Variants in SLC2A13 observed in about 807,000 individuals in gnomAD.
The protein encoded by SLC2A13 is solute carrier family 2 member 13, also known as proton myo-inositol cotransporter.
SLC2A13 carries 32 observed loss-of-function variants against 64.4 expected under a neutral mutation model. The ratio of observed to expected loss-of-function variants is 0.50; its 90% CI spans 0.37 to 0.67. SLC2A13 has a LOEUF of 0.67. SLC2A13 is among the 30% of genes least tolerant of loss of function. The probability of loss-of-function intolerance (pLI) is 0.00; values close to 1 mark genes in which losing one functional copy is unlikely to be tolerated. For missense variants in SLC2A13, 743 were observed against 829.2 expected, an observed-to-expected ratio of 0.90 and a Z score of 1.28; for synonymous variants, 338 against 327.1, an observed-to-expected ratio of 1.03 and a Z score of -0.36.
chr12:39,900,850 T>C (rs1008954050), intron 4 of SLC2A13, among the ~76,000 whole-genome samples: 8 of 152,180 alleles, frequency 5.3e-5, no homozygotes, highest in African/African-American at 1.7e-4. Context: ...TTAAAGTTCA[T>C]ATGCAACCAA....
At chr12:39,878,854 G>A (rs749927647) in intron 4 of SLC2A13, among the ~76,000 whole-genome samples, 13 of 152,228 alleles carry the variant, frequency 8.5e-5, no homozygotes, top group Non-Finnish European at 1.3e-4. Flanking sequence ...ATGGGAAAAA[G>A]TCTTGAAGGA....
At chr12:40,071,976 C>T (rs1344011807) in intron 1 of SLC2A13, among the ~76,000 whole-genome samples, 1 of 151,998 alleles carries the variant, frequency 6.6e-6, no homozygotes, top group Admixed American at 6.6e-5. Context: ...ATTTAATTCC[C>T]TCTTTTCCTG....
At chr12:39,880,043 C>T (rs1045092924) in intron 4 of SLC2A13, among the ~76,000 whole-genome samples, 1 of 151,962 alleles carries the variant, frequency 6.6e-6, no homozygotes, top group African/African-American at 2.4e-5. Flanking sequence ...CCTCACCCTG[C>T]ACTCTCTCTC....
At chr12:39,778,151 G>A (rs1030598405) in intron 7 of SLC2A13, among the ~76,000 whole-genome samples, 1 of 152,136 alleles carries the variant, frequency 6.6e-6, no homozygotes, top group Admixed American at 6.5e-5. Context: ...CACACCCTGC[G>A]AGGGGGACAA....
At chr12:39,760,976 A>ACACACACACACACAC (rs1236073642) in intron 9 of SLC2A13, among the ~76,000 whole-genome samples, 15 of 150,248 alleles carry the variant, frequency 1.0e-4, no homozygotes, top group East Asian at 3.9e-4. Flanking sequence ...ACACACACAT[A>ACACACACACACACAC]ATTGAATTGC....
chr12:39,792,601 A>G (rs531888919), intron 7 of SLC2A13, among the ~76,000 whole-genome samples: 1 of 152,308 alleles, frequency 6.6e-6, no homozygotes, highest in African/African-American at 2.4e-5. Context: ...TTCAGTATCC[A>G]TCAGGGAACT....
chr12:40,070,620 G>A (rs1476830502), intron 1 of SLC2A13, among the ~76,000 whole-genome samples: 1 of 152,176 alleles, frequency 6.6e-6, no homozygotes, highest in Non-Finnish European at 1.5e-5. Context: ...TAGAAGGCCA[G>A]AACCTGGATT....
chr12:39,859,835 A>G (rs1943711398), intron 6 of SLC2A13, among the ~76,000 whole-genome samples: 1 of 152,048 alleles, frequency 6.6e-6, no homozygotes. Flanking sequence ...CTTAATTGAG[A>G]AGTATTAAAA....
At chr12:39,765,859 A>G (rs1220823597) in intron 7 of SLC2A13, among the ~76,000 whole-genome samples, 1 of 151,940 alleles carries the variant, frequency 6.6e-6, no homozygotes, top group Non-Finnish European at 1.5e-5. Flanking sequence ...TGCATTAGCT[A>G]TTTATCCTGA....
At chr12:40,075,491 G>C (rs1440791840) in intron 1 of SLC2A13, among the ~76,000 whole-genome samples, 1 of 152,114 alleles carries the variant, frequency 6.6e-6, no homozygotes, top group African/African-American at 2.4e-5. Context: ...TTTTTTACCT[G>C]TTAGAGCAGA....
At chr12:39,989,689 C>T (rs1196545667) in intron 3 of SLC2A13, among the ~76,000 whole-genome samples, 8 of 152,164 alleles carry the variant, frequency 5.3e-5, no homozygotes, top group African/African-American at 1.7e-4. Context: ...AAAATATCAT[C>T]GCCATATGCA....
At chr12:40,053,281 CAAAAAAAA>C (rs35810974) in intron 1 of SLC2A13, among the ~76,000 whole-genome samples, 4 of 69,102 alleles carry the variant, frequency 5.8e-5, no homozygotes, top group East Asian at 3.6e-4. Context: ...GACTCCATCT[CAAAAAAAA>C]AAAAAAAAAA....
At chr12:39,841,258 T>C (rs1186042755) in intron 6 of SLC2A13, among the ~76,000 whole-genome samples, 1 of 152,078 alleles carries the variant, frequency 6.6e-6, no homozygotes, top group African/African-American at 2.4e-5. Flanking sequence ...GCCAGAATGG[T>C]TTTTCTTTGC....
chr12:39,827,995 T>C (rs1484105213), intron 7 of SLC2A13, among the ~76,000 whole-genome samples: 1 of 152,188 alleles, frequency 6.6e-6, no homozygotes, highest in Non-Finnish European at 1.5e-5. Context: ...TCCAAGGTCA[T>C]GGTTGACTTT....
intron 7 of SLC2A13, among the ~76,000 whole-genome samples, chr12:39,768,170 CT>C (rs765128679): frequency 6.6e-6 from 1 of 152,088 alleles, no homozygotes; most frequent in African/African-American, 2.4e-5. Context: ...TAGCCTCAAA[CT>C]TTTCTTCTAC....
intron 7 of SLC2A13, among the ~76,000 whole-genome samples, chr12:39,797,033 A>G (rs1295997360): frequency 6.6e-6 from 1 of 152,224 alleles, no homozygotes; most frequent in Non-Finnish European, 1.5e-5. Context: ...ATTTTAAAAA[A>G]CTTATAATTA....
chr12:39,863,477 C>T (rs1943816942), intron 6 of SLC2A13, among the ~76,000 whole-genome samples: 1 of 152,080 alleles, frequency 6.6e-6, no homozygotes, highest in African/African-American at 2.4e-5. Context: ...GACATTAGAT[C>T]TGGAGAATAT....
At chr12:39,968,712 T>C (rs1565567076) in intron 3 of SLC2A13, among the ~76,000 whole-genome samples, 3 of 131,310 alleles carry the variant, frequency 2.3e-5, no homozygotes, top group South Asian at 5.3e-4. Flanking sequence ...ACTGACACTT[T>C]ACTCTCTAAG....
At chr12:39,931,317 T>C (rs1432216678) in intron 4 of SLC2A13, among the ~76,000 whole-genome samples, 4 of 152,222 alleles carry the variant, frequency 2.6e-5, no homozygotes, top group Admixed American at 6.5e-5. Flanking sequence ...CTACTACTAA[T>C]GCCTGCTACT....
Sources: allele counts gnomAD v4.1 joint callset (sites outside exome capture counted in the v4.1 genomes callset), GRCh38; gene constraint gnomAD v4.1.1; transcripts MANE v1.5; gene names NCBI Gene and HGNC (gene_info 2026-07-23, HGNC 2026-07-21).